The following ADGRE3 variants were observed in gnomAD, a reference collection of about 807,000 sequenced individuals.
The protein encoded by ADGRE3 is adhesion G protein-coupled receptor E3.
A neutral mutation model predicts 80.1 loss-of-function variants in ADGRE3; 88 were observed. The observed-to-expected ratio is 1.10, with a 90% CI of 0.93 to 1.31. The LOEUF (loss-of-function observed/expected upper bound fraction) is 1.31, where lower values mean the gene tolerates loss of function less well. Ranked by LOEUF, ADGRE3 falls within the 40% of genes most tolerant of loss-of-function variation. ADGRE3 has a pLI of 0.00. For missense variants in ADGRE3, 715 were observed against 776.5 expected (o/e 0.92, Z 0.94); for synonymous variants, 281 against 294.8 (o/e 0.95, Z 0.48).
intron 7 of ADGRE3, among the ~76,000 whole-genome samples, chr19:14,650,060 C>T (rs111064589): frequency 0.41 from 59,394 of 143,136 alleles, 12,963 homozygotes; most frequent in East Asian, 0.6. Context: ...ATCTCTCTCC[C>T]CATCTCTTGC....
At chr19:14,611,000 CT>C in the ADGRE3 span, 48,265 of 143,328 alleles carry the variant, frequency 0.34, 8,078 homozygotes, top group Non-Finnish European at 0.39. Context: ...CCATCTTTTC[CT>C]TTTTTTTTTT....
chr19:14,633,069 C>T, intron 12 of ADGRE3, 57 bp from the exon 13 acceptor site: 2 of 1,430,072 alleles, frequency 1.4e-6, no homozygotes, highest in South Asian at 2.3e-5. Flanking sequence ...ATGGTGTCCA[C>T]TTTAAATTGC....
At chr19:14,624,397 G>A (rs1007482931) in intron 15 of ADGRE3, among the ~76,000 whole-genome samples, 1 of 152,038 alleles carries the variant, frequency 6.6e-6, no homozygotes. Context: ...CCAGGCCTGT[G>A]GCTTCCTTTT....
At chr19:14,655,243 A>G in intron 5 of ADGRE3, 78 bp from the exon 6 acceptor site, 1 of 1,309,756 alleles carries the variant, frequency 7.6e-7, no homozygotes, top group Non-Finnish European at 1.0e-6. Context: ...AGTAGAAAGC[A>G]TGAGAAAGCA....
At chr19:14,636,004 T>TTCCTTC (rs796166536) in intron 11 of ADGRE3, among the ~76,000 whole-genome samples, 20 of 74,318 alleles carry the variant, frequency 2.7e-4, no homozygotes, top group South Asian at 1.5e-3. Context: ...TCTCTCTTTC[T>TTCCTTC]CTTTCTTTCT....
At chr19:14,607,496 C>A in the ADGRE3 span, among the ~76,000 whole-genome samples, 1 of 151,502 alleles carries the variant, frequency 6.6e-6, no homozygotes, top group Non-Finnish European at 1.5e-5. Context: ...AGCCACCGCG[C>A]CCGGCCAGGA....
rs762941827 is a variant in ADGRE3, at chr19:14,658,566, T to C, written c.356-16A>G. On this transcript the variant is annotated splice_polypyrimidine_tract_variant and intron_variant, in intron 4 of 15. Transcript: ENST00000253673. Reference sequence around the variant, plus strand: ...GAGGTGGTGTCTGCAAAAGACATCATGATGGAGTTACTATTGGAACTGAGA... The same window carrying C: ...GAGGTGGTGTCTGCAAAAGACATCACGATGGAGTTACTATTGGAACTGAGA... The C allele has an allele frequency of 2.6e-6, 4 of 1,547,028 alleles. No individual in the cohort carries two copies. The African/African-American group carries it at 4.2e-5, about 16-fold the overall frequency.
intron 6 of ADGRE3, among the ~76,000 whole-genome samples, chr19:14,653,064 C>G (rs923666067): frequency 4.6e-5 from 7 of 151,878 alleles, no homozygotes; most frequent in African/African-American, 1.7e-4. Context: ...CTAACTGCAA[C>G]CTCTGTCCCC....
chr19:14,669,024 A>G (rs1055739899), intron 1 of ADGRE3, among the ~76,000 whole-genome samples, 172 bp from the exon 2 acceptor site: 1 of 152,184 alleles, frequency 6.6e-6, no homozygotes, highest in Admixed American at 6.5e-5. Flanking sequence ...ATAACTAAAA[A>G]TAGGACCACT....
chr19:14,617,340 C>CA (rs1234516327), downstream of ADGRE3, among the ~76,000 whole-genome samples: 1 of 31,072 alleles, frequency 3.2e-5, no homozygotes, highest in Non-Finnish European at 9.3e-5. Flanking sequence ...CTCCCTCCCT[C>CA]CCTTTCTTTC....
chr19:14,627,697 A>G (rs536121420), intron 14 of ADGRE3, among the ~76,000 whole-genome samples: 3 of 152,130 alleles, frequency 2.0e-5, no homozygotes, highest in Non-Finnish European at 4.4e-5. Flanking sequence ...TTGTGGAGAC[A>G]GCGTGCAGTC....
At chr19:14,614,199 C>T (rs2075062908), downstream of ADGRE3, among the ~76,000 whole-genome samples, 1 of 152,152 alleles carries the variant, frequency 6.6e-6, no homozygotes, top group African/African-American at 2.4e-5. Flanking sequence ...GTGTTGTAAA[C>T]CCTCCACCCA....
At chr19:14,635,039 G>A (rs1298069860) in intron 11 of ADGRE3, among the ~76,000 whole-genome samples, 2 of 152,122 alleles carry the variant, frequency 1.3e-5, no homozygotes, top group African/African-American at 4.8e-5. Context: ...AACTGTCTTT[G>A]TGTCCTTTGG....
rs749157123 is a variant in ADGRE3 at position 14,625,619 on chromosome 19, A to C, written c.1813-20T>G. On this transcript the variant is annotated intron_variant, in intron 14 of 15. Transcript: ENST00000253673. ...CTGGACCTGGAACATCAAAGGAAAT[A>C]CCTGGATGGGTTTTGCTAACATTGG... 1.3e-6 allele frequency: 2 copies of C among 1,521,116 alleles called. No individual in the cohort carries two copies. 94.2% of individuals were successfully genotyped at this position (1,521,116 alleles called of 1,614,324 possible).
chr19:14,668,721 C>G, intron 2 of ADGRE3, 81 bp downstream of exon 2: 1 of 1,201,370 alleles, frequency 8.3e-7, no homozygotes, highest in Non-Finnish European at 1.2e-6. Flanking sequence ...AGGCACTTTT[C>G]TCCAGCCCAC....
Position 14,647,452 on chromosome 19 carries a change from GC to G in ADGRE3, c.698-88del, listed in dbSNP as rs1275043057. The stretch of plus-strand genomic sequence containing the variant: ...TTTGAGACGGAGTCTCGCTCTTGTC[GC>G]CCAGCCAGGCTGGAGTGCAGTGGCG... On this transcript the variant is annotated intron_variant, in intron 7 of 15. Transcript: ENST00000253673. The G allele has an allele frequency of 8.2e-6, 9 of 1,092,348 alleles. No individual in the cohort carries two copies. In the Admixed American group the frequency reaches 1.3e-4, roughly 16 times the overall value. The allele number at this position is 1,092,348 out of a possible 1,614,324, so 67.7% of individuals were successfully genotyped here.
intron 15 of ADGRE3, among the ~76,000 whole-genome samples, chr19:14,620,556 A>AT (rs1278165389): frequency 2.3e-4 from 5 of 21,972 alleles, no homozygotes; most frequent in African/African-American, 7.5e-4. Context: ...TATTATATAT[A>AT]TATATATATA....
rs781777456 is a variant in ADGRE3, at chr19:14,658,497, A to G, written c.393+16T>C. ...TTTGTTACCTGGGAAGGGTCTGGGG[A>G]TCAGCCTCCACTCACCTCTTTCCTG... is the stretch of plus-strand genomic sequence containing the variant. On this transcript the variant is annotated intron_variant, in intron 5 of 15. Coordinates refer to ENST00000253673, the MANE Select transcript of ADGRE3 (RefSeq NM_032571.5). 6.5e-7 allele frequency: 1 copy of G among 1,548,488 alleles called. No individual in the cohort carries two copies. Among genetic ancestry groups the G allele is most frequent in the East Asian group, 2.5e-5 (1 of 39,806 alleles).
chr19:14,635,569 G>A (rs568250242), intron 11 of ADGRE3, among the ~76,000 whole-genome samples: 6 of 151,750 alleles, frequency 4.0e-5, no homozygotes, highest in South Asian at 2.1e-4. Context: ...GCACCACCAC[G>A]CCCGGCTAAT....
Sources: gnomAD v4.1 joint callset for allele counts (sites outside exome capture counted in the v4.1 genomes callset) on GRCh38, gnomAD v4.1.1 for gene constraint, MANE v1.5 for transcripts, NCBI Gene and HGNC (gene_info 2026-07-23, HGNC 2026-07-21) for gene names.